The following GRIK4 variants were observed in gnomAD, a reference collection of about 807,000 sequenced individuals.
GRIK4 encodes the protein glutamate receptor ionotropic, kainate 4.
Under a neutral mutation model 104.9 loss-of-function variants are expected in GRIK4, and 40 were observed. That is an observed-to-expected ratio of 0.38 (90% CI 0.30 to 0.50). GRIK4 has a LOEUF of 0.50. Ranked by LOEUF, GRIK4 falls within the 20% of genes least tolerant of loss-of-function variation. The pLI is 0.93. For synonymous variants in GRIK4, 485 were observed against 524.9 expected, an observed-to-expected ratio of 0.92 and a Z score of 1.04; for missense variants, 1,047 against 1,308.1, an observed-to-expected ratio of 0.80 and a Z score of 3.08.
chr11:120,776,805 C>T (rs557886479), intron 3 of GRIK4, among the ~76,000 whole-genome samples: 1 of 152,292 alleles, frequency 6.6e-6, no homozygotes, highest in East Asian at 1.9e-4. Context: ...GCCTTAGCAC[C>T]TGGCGGTGTG....
intron 13 of GRIK4, among the ~76,000 whole-genome samples, chr11:120,923,477 A>T (rs1204199186): frequency 7.6e-6 from 1 of 131,218 alleles, no homozygotes; most frequent in Non-Finnish European, 1.5e-5. Context: ...CAGTGGCGCG[A>T]TCTCGGCTCA....
intron 13 of GRIK4, among the ~76,000 whole-genome samples, chr11:120,917,273 G>GAAAA (rs1943129630): frequency 2.1e-5 from 2 of 93,884 alleles, no homozygotes; most frequent in African/African-American, 4.4e-5. Flanking sequence ...AAAAAAAAAA[G>GAAAA]AAAGAAAGAA....
intron 4 of GRIK4, 140 bp from the exon 5 acceptor site, chr11:120,815,238 G>A (rs901603621): frequency 8.5e-6 from 5 of 591,634 alleles, no homozygotes; most frequent in African/African-American, 1.9e-5. Flanking sequence ...TCTGGGTTTC[G>A]AAGGGTTGGA....
At chr11:120,640,473 AT>A (rs1949456333) in intron 1 of GRIK4, among the ~76,000 whole-genome samples, 1 of 152,158 alleles carries the variant, frequency 6.6e-6, no homozygotes, top group African/African-American at 2.4e-5. Flanking sequence ...GGTGCTTAAT[AT>A]TTTTTAATTA....
intron 1 of GRIK4, among the ~76,000 whole-genome samples, chr11:120,598,901 A>T (rs908647508): frequency 3.3e-5 from 5 of 152,214 alleles, no homozygotes; most frequent in African/African-American, 9.6e-5. Context: ...AAAGGAAGTC[A>T]TATGTCCAAG....
At chr11:120,656,354 C>A (rs568729912) in intron 2 of GRIK4, among the ~76,000 whole-genome samples, 1 of 152,224 alleles carries the variant, frequency 6.6e-6, no homozygotes, top group Admixed American at 6.5e-5. Context: ...TTGGGCACAG[C>A]TTCCTCATCT....
chr11:120,928,662 TG>T (rs1289471269), intron 13 of GRIK4, among the ~76,000 whole-genome samples: 1 of 152,182 alleles, frequency 6.6e-6, no homozygotes, highest in Non-Finnish European at 1.5e-5. Context: ...TCCTTAGCGC[TG>T]GTTCGTTCCT....
intron 3 of GRIK4, among the ~76,000 whole-genome samples, chr11:120,705,965 C>T (rs1950623135): frequency 6.6e-6 from 1 of 152,190 alleles, no homozygotes; most frequent in Non-Finnish European, 1.5e-5. Flanking sequence ...TGACATTCTC[C>T]TTTAGCTCTG....
intron 13 of GRIK4, among the ~76,000 whole-genome samples, chr11:120,927,335 G>C (rs1220020127): frequency 3.9e-5 from 6 of 152,146 alleles, no homozygotes; most frequent in African/African-American, 1.4e-4. Context: ...GGGAGGCCAA[G>C]GCAGGCTGAT....
At chr11:120,976,592 C>T (rs1172500152) in intron 19 of GRIK4, among the ~76,000 whole-genome samples, 1 of 152,210 alleles carries the variant, frequency 6.6e-6, no homozygotes, top group East Asian at 1.9e-4. Context: ...TCCAAGAATC[C>T]ATGTTCTTGT....
intron 11 of GRIK4, among the ~76,000 whole-genome samples, chr11:120,885,386 CT>C (rs201070778): frequency 1.3e-3 from 182 of 145,246 alleles, no homozygotes; most frequent in East Asian, 4.8e-3. Flanking sequence ...ATAAATTCTT[CT>C]TTTTTTTTTT....
chr11:120,974,824 A>C (rs1944534873), intron 19 of GRIK4, among the ~76,000 whole-genome samples: 1 of 152,262 alleles, frequency 6.6e-6, no homozygotes, highest in East Asian at 1.9e-4. Flanking sequence ...GGAGATTACA[A>C]AAAGGAACAG....
intron 1 of GRIK4, among the ~76,000 whole-genome samples, chr11:120,569,213 C>T (rs988462366): frequency 1.5e-4 from 23 of 152,238 alleles, no homozygotes; most frequent in African/African-American, 5.3e-4. Flanking sequence ...CAGGCACGCC[C>T]CGCCCCATGG....
At chr11:120,543,838 C>T (rs538201935) in intron 1 of GRIK4, among the ~76,000 whole-genome samples, 39 of 152,326 alleles carry the variant, frequency 2.6e-4, no homozygotes, top group African/African-American at 8.9e-4. Flanking sequence ...TTTGCAAAAA[C>T]GTGGATGAAC....
At chr11:120,906,987 G>A (rs1226593610) in intron 13 of GRIK4, among the ~76,000 whole-genome samples, 1 of 152,192 alleles carries the variant, frequency 6.6e-6, no homozygotes, top group African/African-American at 2.4e-5. Context: ...TGCCATGGGG[G>A]TGGGGATGGC....
At chr11:120,733,667 A>C (rs755546378) in intron 3 of GRIK4, among the ~76,000 whole-genome samples, 1 of 150,568 alleles carries the variant, frequency 6.6e-6, no homozygotes, top group Non-Finnish European at 1.5e-5. Context: ...TCTTTATGTC[A>C]TATTGTACTA....
At chr11:120,954,190 T>C (rs1183372874) in intron 15 of GRIK4, among the ~76,000 whole-genome samples, 3 of 152,080 alleles carry the variant, frequency 2.0e-5, no homozygotes, top group Non-Finnish European at 4.4e-5. Context: ...CATCAACCTG[T>C]CTGCACATAC....
chr11:120,568,376 A>ATTTT (rs1555140968), intron 1 of GRIK4, among the ~76,000 whole-genome samples: 1 of 145,860 alleles, frequency 6.9e-6, no homozygotes, highest in East Asian at 2.0e-4. Flanking sequence ...CTTTCCAGGC[A>ATTTT]TTCTTTTCTT....
At chr11:120,823,423 C>G (rs2135549312) in intron 6 of GRIK4, among the ~76,000 whole-genome samples, 1 of 152,366 alleles carries the variant, frequency 6.6e-6, no homozygotes, top group Admixed American at 6.5e-5. Flanking sequence ...GATGGCAAAG[C>G]ACTTTCACTT....
Sources: gnomAD v4.1 joint callset for allele counts (sites outside exome capture counted in the v4.1 genomes callset) on GRCh38, gnomAD v4.1.1 for gene constraint, MANE v1.5 for transcripts, NCBI Gene and HGNC (gene_info 2026-07-23, HGNC 2026-07-21) for gene names.